Variants in UPF2 observed in about 807,000 individuals in gnomAD.
UPF2 encodes UPF2 regulator of nonsense mediated mRNA decay, also known as regulator of nonsense transcripts 2.
Under a neutral mutation model 141.4 loss-of-function variants are expected in UPF2, and 17 were observed. The ratio of observed to expected loss-of-function variants is 0.12; its 90% CI spans 0.08 to 0.18. The LOEUF (loss-of-function observed/expected upper bound fraction) is 0.18. Ranked by LOEUF, UPF2 falls within the 10% of genes least tolerant of loss-of-function variation. UPF2 has a pLI of 1.00. For synonymous variants in UPF2, 540 were observed against 498.0 expected, an observed-to-expected ratio of 1.08 and a Z score of -1.12; for missense variants, 1,152 against 1,515.9, an observed-to-expected ratio of 0.76 and a Z score of 3.99.
At chr10:12,013,499 T>C (rs1054704696) in intron 4 of UPF2, among the ~76,000 whole-genome samples, 1 of 152,096 alleles carries the variant, frequency 6.6e-6, no homozygotes, top group Non-Finnish European at 1.5e-5. Context: ...GGTCTTGAAC[T>C]CCTGACCTTG....
Position 11,955,312 on chromosome 10 carries a change from T to C in UPF2, c.2770A>G (p.Thr924Ala). 6.2e-7 allele frequency: 1 copy of C among 1,614,174 alleles called. No homozygotes were observed. The highest frequency in any genetic ancestry group is 8.5e-7 in the Non-Finnish European group (1 of 1,180,032). Residue 924 changes from threonine to alanine, a missense_variant, in exon 14 of 22, where the codon ACT becomes GCT. Thr to Ala is a moderately conservative substitution (Grantham distance 58). This residue lies in a region of UPF2 where 739 missense variants were observed against 1,032.2 expected (regional missense o/e 0.72). Coordinates refer to ENST00000357604, the MANE Select transcript of UPF2 (RefSeq NM_015542.4). ...EHLFRIRLVCTILDTCGQYFD... is the reference protein window; with the variant it reads ...EHLFRIRLVCAILDTCGQYFD... ...TACTGGCCACATGTGTCCAGAATAG[T>C]GCATACGAGTCTAATTCTGAAAAGA...
At chr10:11,999,078 A>T (rs991816411) in intron 7 of UPF2, among the ~76,000 whole-genome samples, 57 of 152,092 alleles carry the variant, frequency 3.7e-4, no homozygotes, top group Middle Eastern at 6.8e-3. Flanking sequence ...CTCTTAAGTG[A>T]CAGTGGCACT....
chr10:11,959,181 G>A lies in UPF2; in HGVS notation c.2360C>T (p.Thr787Ile), dbSNP rs1833201269. The change falls in exon 12 of 22, where the codon ACC (threonine) becomes ATC (isoleucine). Residue 787 changes from threonine (T) to isoleucine (I), a missense_variant. Around this residue, in one of 4 missense-constraint regions of UPF2, gnomAD observed 739 missense variants for 1,032.2 expected, o/e 0.72. Transcript: ENST00000357604. This position sits in a 1 kb window ranked among gnomAD's most constrained non-coding sequence, Gnocchi z 5.9. ...TTTCATAAGATTTACCTTCTCGGTG[G>A]TAACCTTAGAGAGATCCTTGTACAA... ...KLLYKDLSKVTTEKVLRQMRK... is the reference protein window; with the variant it reads ...KLLYKDLSKVITEKVLRQMRK... The A allele has an allele frequency of 6.3e-7, 1 of 1,580,740 alleles. No individual in the cohort carries two copies. Among genetic ancestry groups the A allele is most frequent in the African/African-American group, 1.4e-5 (1 of 72,660 alleles).
chr10:12,039,348 T>C (rs1834693159), intron 1 of UPF2, among the ~76,000 whole-genome samples: 1 of 152,068 alleles, frequency 6.6e-6, no homozygotes, highest in Admixed American at 6.6e-5. Flanking sequence ...ACCCACAGAA[T>C]TATGAATCTC....
At chr10:12,036,972 C>T (rs1383860956) in intron 1 of UPF2, among the ~76,000 whole-genome samples, 1 of 152,120 alleles carries the variant, frequency 6.6e-6, no homozygotes, top group Non-Finnish European at 1.5e-5. Flanking sequence ...TTGTAATGAG[C>T]CAAGATCACG....
At chr10:11,994,261 G>T (rs1243213743) in intron 8 of UPF2, among the ~76,000 whole-genome samples, 1 of 152,180 alleles carries the variant, frequency 6.6e-6, no homozygotes, top group African/African-American at 2.4e-5. Flanking sequence ...GGCACTGTCT[G>T]TAACAGTTAA....
intron 21 of UPF2, among the ~76,000 whole-genome samples, chr10:11,929,504 G>A (rs775968135): frequency 5.9e-5 from 9 of 152,278 alleles, no homozygotes; most frequent in Non-Finnish European, 1.3e-4. Flanking sequence ...AGGTATGGTG[G>A]TGCATGCCTA....
At chr10:11,969,319 G>A (rs1377507583) in intron 9 of UPF2, among the ~76,000 whole-genome samples, 7 of 151,802 alleles carry the variant, frequency 4.6e-5, no homozygotes, top group Non-Finnish European at 8.8e-5. Flanking sequence ...ACAGGCGCCC[G>A]CCACCATGCC....
rs1173344293 is a variant in UPF2, at chr10:11,992,521, AAAGTAATAAAAT to A, written c.1844+5139_1844+5150del. On this transcript the variant is annotated intron_variant, in intron 8 of 21. Transcript: ENST00000357604. The surrounding 1 kb of genome is among the most constrained non-coding windows in gnomAD (Gnocchi z 4.1). ...AATCGCTAAGCAAACTTACAATCAT[AAAGTAATAAAAT>A]AATAATGCAAACCTTCCTAAAACCA... is the stretch of plus-strand genomic sequence containing the variant. Among the ~76,000 whole-genome samples the A allele has an allele frequency of 2.6e-5, 4 of 152,196 alleles. No individual in the cohort carries two copies. Among genetic ancestry groups the A allele is most frequent in the Non-Finnish European group, 5.9e-5 (4 of 68,038 alleles).
intron 18 of UPF2, among the ~76,000 whole-genome samples, chr10:11,937,924 T>G (rs1449727171): frequency 6.6e-6 from 1 of 152,192 alleles, no homozygotes; most frequent in African/African-American, 2.4e-5. Flanking sequence ...CAAATCTTGA[T>G]TTTTCTCCTT....
Position 11,992,334 on chromosome 10 carries a change from T to A in UPF2, c.1844+5338A>T, listed in dbSNP as rs1833793357. ...TGCTGAAAGTTAAATATCACTCAAATACAAGAATAAGTACATTTAAGAGTA... is the reference window on the plus strand; with the variant it reads ...TGCTGAAAGTTAAATATCACTCAAAAACAAGAATAAGTACATTTAAGAGTA... On this transcript the variant is annotated intron_variant, in intron 8 of 21. Coordinates refer to ENST00000357604, the MANE Select transcript of UPF2 (RefSeq NM_015542.4). This position sits in a 1 kb window ranked among gnomAD's most constrained non-coding sequence, Gnocchi z 4.1. Among the ~76,000 whole-genome samples the A allele has an allele frequency of 1.3e-5, 2 of 152,046 alleles. No homozygotes were observed. Among genetic ancestry groups the A allele is most frequent in the South Asian group, 4.1e-4 (2 of 4,822 alleles).
intron 8 of UPF2, among the ~76,000 whole-genome samples, chr10:11,985,004 C>T (rs912037130): frequency 4.6e-5 from 7 of 152,168 alleles, no homozygotes; most frequent in East Asian, 1.9e-4. Flanking sequence ...TGAGCCACCG[C>T]GCCCGGTCCA....
intron 16 of UPF2, among the ~76,000 whole-genome samples, chr10:11,945,532 C>T (rs937034629): frequency 7.2e-5 from 11 of 152,192 alleles, no homozygotes; most frequent in African/African-American, 2.2e-4. Context: ...ACTTCTCCCA[C>T]ACACAAGCAC....
intron 8 of UPF2, among the ~76,000 whole-genome samples, chr10:11,993,557 A>G (rs1345289454): frequency 6.6e-6 from 1 of 152,184 alleles, no homozygotes; most frequent in Non-Finnish European, 1.5e-5. Context: ...TTCTCTAATC[A>G]AAATGCAATA....
At position 11,940,355 on chromosome 10, in the gene UPF2, G is replaced by C. The variant is rs554307517; in HGVS notation, c.3378+2310C>G. ...TTAAGGTTCTTCAGGGCTCAATCCTGACCCTGCTTCTCTTCTCTGTCCACA... is the reference window on the plus strand; with the variant it reads ...TTAAGGTTCTTCAGGGCTCAATCCTCACCCTGCTTCTCTTCTCTGTCCACA... On this transcript the variant is annotated intron_variant, in intron 18 of 21. Transcript: ENST00000357604. This position sits in a 1 kb window ranked among gnomAD's most constrained non-coding sequence, Gnocchi z 4.2. Among the ~76,000 whole-genome samples, 1 of 152,204 alleles carries C rather than the reference G, an allele frequency of 6.6e-6. No homozygotes were observed. Among genetic ancestry groups the C allele is most frequent in the East Asian group, 1.9e-4 (1 of 5,178 alleles).
At chr10:11,994,129 G>A (rs1833826934) in intron 8 of UPF2, among the ~76,000 whole-genome samples, 1 of 152,032 alleles carries the variant, frequency 6.6e-6, no homozygotes, top group South Asian at 2.1e-4. Flanking sequence ...ATAACAGTAA[G>A]AAAATCATTA....
At chr10:12,004,933 T>C (rs1049097139) in intron 4 of UPF2, among the ~76,000 whole-genome samples, 3 of 152,178 alleles carry the variant, frequency 2.0e-5, no homozygotes, top group Admixed American at 6.5e-5. Context: ...TAAAACAGAC[T>C]AGAGAACAAC....
At position 12,042,556 on chromosome 10, in the gene UPF2, G is replaced by A. The variant is rs1834755854; in HGVS notation, c.-19+199C>T. Reference sequence around the variant, plus strand: ...GGCCCGGCCCGGGGGCTCCCGCGTTGATGGGAGCCTCGGAGACAGGGGGTC... The same window carrying A: ...GGCCCGGCCCGGGGGCTCCCGCGTTAATGGGAGCCTCGGAGACAGGGGGTC... On this transcript the variant is annotated intron_variant, in intron 1 of 21. Transcript: ENST00000357604. This position sits in a 1 kb window ranked among gnomAD's most constrained non-coding sequence, Gnocchi z 5.5. 1.3e-5 allele frequency among the ~76,000 whole-genome samples: 2 copies of A among 152,140 alleles called. No homozygotes were observed. Among genetic ancestry groups the A allele is most frequent in the Non-Finnish European group, 2.9e-5 (2 of 68,014 alleles).
chr10:11,950,393 T>C (rs1272001297), intron 15 of UPF2, among the ~76,000 whole-genome samples: 1 of 152,192 alleles, frequency 6.6e-6, no homozygotes, highest in African/African-American at 2.4e-5. Flanking sequence ...TCTGCATACG[T>C]CTTCTTCCTC....
Sources: allele counts gnomAD v4.1 joint callset (sites outside exome capture counted in the v4.1 genomes callset), GRCh38; gene constraint gnomAD v4.1.1; regional missense constraint gnomAD v4.1.1; non-coding constraint Gnocchi (gnomAD v3.1); transcripts MANE v1.5; gene names NCBI Gene and HGNC (gene_info 2026-07-23, HGNC 2026-07-21).